The following XNDC1N variants were observed in gnomAD, a reference collection of about 807,000 sequenced individuals.
The protein encoded by XNDC1N is XRCC1 N-terminal domain containing 1, N-terminal like.
chr11:71,884,602 C>T, the XNDC1N span: 2 of 1,559,684 alleles, frequency 1.3e-6, no homozygotes, highest in Non-Finnish European at 1.7e-6. Flanking sequence ...GGAGAAAAAA[C>T]ATGTCTTAAA....
At chr11:71,881,846 A>C in the XNDC1N span, among the ~76,000 whole-genome samples, 1 of 152,190 alleles carries the variant, frequency 6.6e-6, no homozygotes, top group Admixed American at 6.5e-5. Flanking sequence ...AAAAGAACAG[A>C]ATATTTAATA....
At chr11:71,893,179 A>C in the XNDC1N span, among the ~76,000 whole-genome samples, 6 of 152,176 alleles carry the variant, frequency 3.9e-5, no homozygotes, top group Admixed American at 3.3e-4. Flanking sequence ...AGTAGGCCGT[A>C]TTTTACTGAG....
the XNDC1N span, chr11:71,928,310 C>T: frequency 1.6e-6 from 1 of 609,406 alleles, no homozygotes. Flanking sequence ...TTGATGGCCA[C>T]CCTCCTCCCT....
At chr11:71,884,414 C>T in the XNDC1N span, 11 of 1,585,234 alleles carry the variant, frequency 6.9e-6, no homozygotes, top group Non-Finnish European at 8.6e-6. Context: ...AAGCCAGAAG[C>T]TTCACTTCTA....
chr11:71,875,772 T>C, the XNDC1N span, among the ~76,000 whole-genome samples: 1 of 152,218 alleles, frequency 6.6e-6, no homozygotes, highest in African/African-American at 2.4e-5. Flanking sequence ...ACTGCTGTAA[T>C]CCCAGCACTC....
At chr11:71,907,116 CAG>C in the XNDC1N span, among the ~76,000 whole-genome samples, 1 of 152,090 alleles carries the variant, frequency 6.6e-6, no homozygotes, top group East Asian at 1.9e-4. Context: ...CGAATAATAT[CAG>C]AGTGTGTAGA....
the XNDC1N span, among the ~76,000 whole-genome samples, chr11:71,893,005 T>C: frequency 6.6e-6 from 1 of 152,230 alleles, no homozygotes; most frequent in Non-Finnish European, 1.5e-5. Context: ...GGGTCCTAGC[T>C]CTTGTGTCGT....
At chr11:71,897,997 T>C in the XNDC1N span, among the ~76,000 whole-genome samples, 4 of 151,868 alleles carry the variant, frequency 2.6e-5, no homozygotes, top group Non-Finnish European at 5.9e-5. Flanking sequence ...AGCCTGGCCA[T>C]CTTGGTGAAA....
the XNDC1N span, among the ~76,000 whole-genome samples, chr11:71,888,087 A>C: frequency 1.3e-5 from 2 of 152,104 alleles, no homozygotes; most frequent in Non-Finnish European, 1.5e-5. Context: ...TAGTAGGTTG[A>C]TGACCTTCTG....
chr11:71,885,353 C>T, the XNDC1N span, among the ~76,000 whole-genome samples: 1 of 152,076 alleles, frequency 6.6e-6, no homozygotes, highest in Non-Finnish European at 1.5e-5. Flanking sequence ...CACTTTCTGC[C>T]ATATATATAG....
the XNDC1N span, among the ~76,000 whole-genome samples, chr11:71,899,235 G>A: frequency 5.3e-5 from 8 of 152,206 alleles, no homozygotes; most frequent in South Asian, 2.1e-4. Context: ...CTCCACTCCC[G>A]TCACCTGTAT....
chr11:71,882,433 T>G, the XNDC1N span, among the ~76,000 whole-genome samples: 1 of 152,110 alleles, frequency 6.6e-6, no homozygotes, highest in East Asian at 1.9e-4. Context: ...GTTTCACTAG[T>G]TTGGCCAGGC....
the XNDC1N span, among the ~76,000 whole-genome samples, chr11:71,902,636 A>G: frequency 6.6e-6 from 1 of 152,268 alleles, no homozygotes; most frequent in African/African-American, 2.4e-5. Flanking sequence ...TGAAATCACT[A>G]GGACCTAACT....
chr11:71,868,636 G>A, the XNDC1N span, among the ~76,000 whole-genome samples: 1 of 152,196 alleles, frequency 6.6e-6, no homozygotes, highest in Non-Finnish European at 1.5e-5. Flanking sequence ...TAGAGTTGCA[G>A]CTTAACAGTC....
the XNDC1N span, among the ~76,000 whole-genome samples, chr11:71,883,877 T>C: frequency 6.6e-6 from 1 of 152,158 alleles, no homozygotes; most frequent in Non-Finnish European, 1.5e-5. Context: ...TGACCCCTTC[T>C]CTCAATTAAG....
the XNDC1N span, among the ~76,000 whole-genome samples, chr11:71,909,036 T>C: frequency 6.6e-6 from 1 of 152,186 alleles, no homozygotes; most frequent in South Asian, 2.1e-4. Flanking sequence ...AGCACAATTC[T>C]ACCAGAGACT....
At chr11:71,905,229 AC>A in the XNDC1N span, among the ~76,000 whole-genome samples, 123 of 152,146 alleles carry the variant, frequency 8.1e-4, 1 homozygote, top group African/African-American at 2.9e-3. Flanking sequence ...AAGGGTGTAC[AC>A]CCCATGTGAC....
chr11:71,872,301 A>G, the XNDC1N span, among the ~76,000 whole-genome samples: 1 of 152,216 alleles, frequency 6.6e-6, no homozygotes, highest in South Asian at 2.1e-4. Flanking sequence ...AACTTGTGAT[A>G]ATCAGTTTGT....
the XNDC1N span, chr11:71,904,183 G>T: frequency 4.8e-6 from 2 of 419,902 alleles, no homozygotes; most frequent in Admixed American, 2.6e-5. Flanking sequence ...AGGCAGCAAG[G>T]TCAAATAAGA....
Sources: gnomAD v4.1 joint callset for allele counts (sites outside exome capture counted in the v4.1 genomes callset) on GRCh38, gnomAD v4.1.1 for gene constraint, MANE v1.5 for transcripts, NCBI Gene and HGNC (gene_info 2026-07-23, HGNC 2026-07-21) for gene names.